BCKDHB: variants seen among roughly 807,000 people sequenced by gnomAD.
The protein encoded by BCKDHB is 2-oxoisovalerate dehydrogenase subunit beta, mitochondrial.
In BCKDHB, 41 loss-of-function variants were observed where a neutral mutation model predicts 48.5. The ratio of observed to expected loss-of-function variants is 0.85; its 90% CI spans 0.66 to 1.10. BCKDHB has a LOEUF of 1.10. BCKDHB is among the 50% of genes least tolerant of loss of function. The pLI, the probability that BCKDHB is intolerant of heterozygous loss-of-function variation, is 0.00. For missense variants in BCKDHB, 496 were observed against 494.2 expected (o/e 1.00, Z -0.03); for synonymous variants, 201 against 174.8 (o/e 1.15, Z -1.18).
the BCKDHB span, among the ~76,000 whole-genome samples, chr6:80,454,741 A>G: frequency 6.6e-6 from 1 of 152,106 alleles, no homozygotes; most frequent in Middle Eastern, 3.2e-3. Flanking sequence ...ATTTGTAGGC[A>G]AGACCACACA....
chr6:80,201,811 T>C (rs1774409915), intron 7 of BCKDHB, among the ~76,000 whole-genome samples: 1 of 152,178 alleles, frequency 6.6e-6, no homozygotes, highest in Non-Finnish European at 1.5e-5. Context: ...TTTACAGATA[T>C]GGTCAGTTTT....
the BCKDHB span, among the ~76,000 whole-genome samples, chr6:80,359,621 G>A: frequency 1.3e-5 from 2 of 152,166 alleles, no homozygotes; most frequent in African/African-American, 4.8e-5. Flanking sequence ...TTGAGATGGA[G>A]TCTCCCTCTG....
chr6:80,339,362 G>T (rs1050837899), intron 9 of BCKDHB, among the ~76,000 whole-genome samples: 1 of 152,036 alleles, frequency 6.6e-6, no homozygotes, highest in East Asian at 1.9e-4. Flanking sequence ...AAATTTAAAG[G>T]TTGTCTGTCC....
At chr6:80,194,569 G>A (rs192723070) in intron 6 of BCKDHB, among the ~76,000 whole-genome samples, 97 of 152,166 alleles carry the variant, frequency 6.4e-4, no homozygotes, top group African/African-American at 2.3e-3. Context: ...GCCACATTTG[G>A]TCAGCTCTTT....
At chr6:80,422,435 G>A in the BCKDHB span, among the ~76,000 whole-genome samples, 1 of 152,186 alleles carries the variant, frequency 6.6e-6, no homozygotes, top group African/African-American at 2.4e-5. Flanking sequence ...CCCACACAGA[G>A]TCCCCAATGG....
the BCKDHB span, among the ~76,000 whole-genome samples, chr6:80,448,116 A>C: frequency 6.6e-6 from 1 of 152,170 alleles, no homozygotes; most frequent in Admixed American, 6.6e-5. Context: ...ACCTTTAAGT[A>C]GATGACTGAG....
chr6:80,258,476 C>T (rs670119), intron 8 of BCKDHB, among the ~76,000 whole-genome samples: 132,441 of 152,272 alleles, frequency 0.87, 57,852 homozygotes, highest in East Asian at 0.99. Flanking sequence ...TCATCACTGG[C>T]CTGTAGTTCT....
Position 80,344,348 on chromosome 6 carries a change from A to ATT in BCKDHB, c.*559_*560dup, listed in dbSNP as rs10579475. 0.069 allele frequency: 9,719 copies of ATT among 140,882 alleles called. 512 individuals carry two copies. The highest frequency in any genetic ancestry group is 0.21 in the South Asian group (941 of 4,530). 8.7% of individuals were successfully genotyped at this position (140,882 alleles called of 1,614,324 possible). A position where few individuals can be genotyped will look rare whatever the true frequency, so the allele number is the denominator to read the frequency against. The stretch of plus-strand genomic sequence containing the variant: ...AACATATCTAGCATATGTATATGTG[A>ATT]TTTTTTTTTTTTTTTTGAGACCGAG... On this transcript the variant is annotated 3_prime_UTR_variant, in exon 10 of 10. Coordinates refer to ENST00000320393, the MANE Select transcript of BCKDHB (RefSeq NM_183050.4).
chr6:80,356,116 A>G, the BCKDHB span: 1 of 152,200 alleles, frequency 6.6e-6, no homozygotes, highest in Admixed American at 6.5e-5. Context: ...CCAGGACTCA[A>G]GCATTATCTG....
At chr6:80,397,983 G>T in the BCKDHB span, among the ~76,000 whole-genome samples, 5 of 152,048 alleles carry the variant, frequency 3.3e-5, no homozygotes, top group East Asian at 7.7e-4. Context: ...GTTACTTGTG[G>T]GTAAATATTA....
At chr6:80,135,616 C>A (rs954026752) in intron 3 of BCKDHB, among the ~76,000 whole-genome samples, 1 of 152,042 alleles carries the variant, frequency 6.6e-6, no homozygotes, top group South Asian at 2.1e-4. Flanking sequence ...GTTTAATATG[C>A]CTTTTTTTCC....
At chr6:80,185,220 A>C (rs1773586556) in intron 6 of BCKDHB, among the ~76,000 whole-genome samples, 1 of 151,878 alleles carries the variant, frequency 6.6e-6, no homozygotes, top group Non-Finnish European at 1.5e-5. Flanking sequence ...GAAACTTTGC[A>C]GTGTATTTTT....
intron 1 of BCKDHB, among the ~76,000 whole-genome samples, chr6:80,107,516 T>TATATATATATGCATATATATATATGC (rs755301848): frequency 2.1e-5 from 1 of 46,574 alleles, no homozygotes; most frequent in African/African-American, 7.9e-5. Context: ...TATGTGCGCA[T>TATATATATATGCATATATATATATGC]ATATATATAT....
intron 3 of BCKDHB, among the ~76,000 whole-genome samples, chr6:80,155,195 C>T (rs989760516): frequency 6.6e-6 from 1 of 152,056 alleles, no homozygotes; most frequent in East Asian, 1.9e-4. Context: ...TGCACTGTGA[C>T]AGTTTTATAG....
rs561173798 is a variant in BCKDHB at position 80,253,420 on chromosome 6, C to T, written c.952-19715C>T. Among the ~76,000 whole-genome samples the T allele has an allele frequency of 2.4e-4, 37 of 152,264 alleles. No homozygotes were observed. In the South Asian group the frequency reaches 7.7e-3, roughly 32 times the overall value. On this transcript the variant is annotated intron_variant, in intron 8 of 9. Coordinates refer to ENST00000320393, the MANE Select transcript of BCKDHB (RefSeq NM_183050.4). ...GGCAAATGAGTTTTTGGACCTTGTG[C>T]ACACATGCTGTTTAATCATGCGTCG...
chr6:80,326,439 A>G (rs1372944182), intron 9 of BCKDHB, among the ~76,000 whole-genome samples: 2 of 152,192 alleles, frequency 1.3e-5, no homozygotes, highest in Non-Finnish European at 2.9e-5. Context: ...ATAGTATAGT[A>G]TAGGTTATAG....
intron 8 of BCKDHB, among the ~76,000 whole-genome samples, chr6:80,227,211 T>C (rs1775716837): frequency 6.6e-6 from 1 of 152,208 alleles, no homozygotes; most frequent in Non-Finnish European, 1.5e-5. Context: ...GTCTAATTTG[T>C]AGAAGTTATT....
At chr6:80,164,224 T>C (rs1341200826) in intron 3 of BCKDHB, among the ~76,000 whole-genome samples, 3 of 152,206 alleles carry the variant, frequency 2.0e-5, no homozygotes, top group Non-Finnish European at 2.9e-5. Context: ...TGTAACTCCT[T>C]GACTTTATCT....
intron 8 of BCKDHB, among the ~76,000 whole-genome samples, chr6:80,215,795 G>A (rs1387513428): frequency 6.6e-6 from 1 of 152,166 alleles, no homozygotes; most frequent in East Asian, 1.9e-4. Context: ...CCAGTCTGGA[G>A]TGCAGTGGCA....
Sources: allele counts gnomAD v4.1 joint callset (sites outside exome capture counted in the v4.1 genomes callset), GRCh38; gene constraint gnomAD v4.1.1; transcripts MANE v1.5; gene names NCBI Gene and HGNC (gene_info 2026-07-23, HGNC 2026-07-21).